The following RNFT2 variants were observed in gnomAD, a reference collection of about 807,000 sequenced individuals.
The protein encoded by RNFT2 is ring finger protein, transmembrane 2.
In RNFT2, 36 loss-of-function variants were observed where a neutral mutation model predicts 53.0. That is an observed-to-expected ratio of 0.68 (90% CI 0.52 to 0.90). RNFT2 has a LOEUF of 0.90. Among genes scored for constraint, RNFT2 ranks in the 40% least tolerant of loss-of-function variants. RNFT2 has a pLI of 0.00. For missense variants in RNFT2, 514 were observed against 585.6 expected, an observed-to-expected ratio of 0.88 and a Z score of 1.26; for synonymous variants, 260 against 253.2, an observed-to-expected ratio of 1.03 and a Z score of -0.26.
At chr12:116,818,388 C>T (rs962908378) in intron 7 of RNFT2, among the ~76,000 whole-genome samples, 1 of 151,958 alleles carries the variant, frequency 6.6e-6, no homozygotes, top group South Asian at 2.1e-4. Flanking sequence ...CCAGCTTTGC[C>T]CTTAGTAACA....
intron 7 of RNFT2, among the ~76,000 whole-genome samples, chr12:116,783,893 C>T (rs991065010): frequency 2.6e-5 from 4 of 152,196 alleles, no homozygotes; most frequent in African/African-American, 7.2e-5. Flanking sequence ...TCTTAGAGGC[C>T]GCTTAACCGT....
At chr12:116,749,192 CT>C (rs1872051576) in intron 3 of RNFT2, among the ~76,000 whole-genome samples, 1 of 151,910 alleles carries the variant, frequency 6.6e-6, no homozygotes, top group African/African-American at 2.4e-5. Context: ...TTTCTGAGGC[CT>C]CTCTCCTTGG....
chr12:116,793,387 G>C (rs1270349149), intron 7 of RNFT2, among the ~76,000 whole-genome samples: 2 of 151,926 alleles, frequency 1.3e-5, no homozygotes, highest in African/African-American at 4.8e-5. Context: ...GGGTCTCACT[G>C]TCTTGCCCCA....
intron 10 of RNFT2, among the ~76,000 whole-genome samples, chr12:116,838,511 A>C (rs1877093361): frequency 6.6e-6 from 1 of 152,242 alleles, no homozygotes; most frequent in Non-Finnish European, 1.5e-5. Context: ...GTTAGTATGC[A>C]GTATGACACA....
chr12:116,766,772 A>C, intron 5 of RNFT2, 42 bp from the exon 6 acceptor site: 2 of 1,450,198 alleles, frequency 1.4e-6, no homozygotes, highest in Non-Finnish European at 1.9e-6. Context: ...AGGTTCTGCC[A>C]CATGCACCTT....
intron 5 of RNFT2, chr12:116,755,811 G>T (rs1872483459): frequency 6.4e-7 from 1 of 1,559,112 alleles, no homozygotes; most frequent in Non-Finnish European, 8.7e-7. Flanking sequence ...ACAACTCCAT[G>T]TTTTCTAAAA....
At chr12:116,771,706 G>A (rs1422226315) in intron 6 of RNFT2, among the ~76,000 whole-genome samples, 2 of 152,018 alleles carry the variant, frequency 1.3e-5, no homozygotes, top group African/African-American at 4.8e-5. Context: ...CATGATGTGG[G>A]CACCCTCTTC....
At chr12:116,813,300 C>G (rs777913053) in intron 7 of RNFT2, among the ~76,000 whole-genome samples, 4 of 152,152 alleles carry the variant, frequency 2.6e-5, no homozygotes, top group Non-Finnish European at 5.9e-5. Flanking sequence ...GCCTCTCTTC[C>G]CAGCCCGACA....
chr12:116,758,603 T>G (rs996259876), intron 5 of RNFT2, among the ~76,000 whole-genome samples: 41 of 152,184 alleles, frequency 2.7e-4, no homozygotes, highest in African/African-American at 8.9e-4. Context: ...TACTGTATCT[T>G]TCCTTCATAT....
At chr12:116,830,589 A>G (rs966005334) in intron 7 of RNFT2, among the ~76,000 whole-genome samples, 4 of 152,194 alleles carry the variant, frequency 2.6e-5, no homozygotes, top group East Asian at 1.9e-4. Context: ...CACCTGGCCT[A>G]TTGACATTTT....
At chr12:116,825,255 C>T (rs995866047) in intron 7 of RNFT2, among the ~76,000 whole-genome samples, 1 of 152,202 alleles carries the variant, frequency 6.6e-6, no homozygotes, top group African/African-American at 2.4e-5. Flanking sequence ...TTCCCACAAA[C>T]ATGGTGGCTG....
intron 7 of RNFT2, among the ~76,000 whole-genome samples, chr12:116,811,781 C>T (rs773633254): frequency 2.0e-5 from 3 of 152,182 alleles, no homozygotes; most frequent in South Asian, 2.1e-4. Flanking sequence ...GGCAGCCCAC[C>T]GAGGCTTTGC....
chr12:116,753,602 G>A (rs1872357158), intron 4 of RNFT2, among the ~76,000 whole-genome samples: 1 of 152,180 alleles, frequency 6.6e-6, no homozygotes, highest in Admixed American at 6.5e-5. Flanking sequence ...TATAAGTAAT[G>A]TTATTGTTCT....
intron 7 of RNFT2, among the ~76,000 whole-genome samples, chr12:116,785,941 A>G (rs1324355304): frequency 6.6e-6 from 1 of 151,920 alleles, no homozygotes; most frequent in African/African-American, 2.4e-5. Flanking sequence ...AGTCCCAGCT[A>G]CTCAGGAGGT....
rs551446081 is a variant in RNFT2 at position 116,788,596 on chromosome 12, G to A, written c.882+9248G>A. On this transcript the variant is annotated intron_variant, in intron 7 of 10. Transcript: ENST00000257575. ...TCTGACTGTAATTGTTTGTTTAAAT[G>A]TCTGCCTTCTCTGCTTGATTGTAAC... 3.9e-5 allele frequency among the ~76,000 whole-genome samples: 6 copies of A among 152,224 alleles called. No individual in the cohort carries two copies. The South Asian group carries it at 1.2e-3, about 32-fold the overall frequency.
intron 7 of RNFT2, among the ~76,000 whole-genome samples, chr12:116,794,807 G>A (rs1053211017): frequency 1.3e-5 from 2 of 151,924 alleles, no homozygotes; most frequent in African/African-American, 4.8e-5. Context: ...ATTTCCCACC[G>A]CATGGAGTTC....
At chr12:116,741,117 C>T in intron 3 of RNFT2, 23 bp downstream of exon 3, 1 of 1,597,332 alleles carries the variant, frequency 6.3e-7, no homozygotes, top group Non-Finnish European at 8.5e-7. Flanking sequence ...GCTTCTGTTC[C>T]ATCTGAGGGC....
intron 10 of RNFT2, among the ~76,000 whole-genome samples, chr12:116,844,315 C>T (rs1330470501): frequency 1.3e-5 from 2 of 152,182 alleles, no homozygotes; most frequent in Admixed American, 1.3e-4. Context: ...ACTGCAACCT[C>T]CACCTCCCAG....
At chr12:116,788,512 G>C (rs1277645155) in intron 7 of RNFT2, among the ~76,000 whole-genome samples, 1 of 152,056 alleles carries the variant, frequency 6.6e-6, no homozygotes, top group African/African-American at 2.4e-5. Flanking sequence ...GGCTAGGTGT[G>C]GTGCTCCCAC....
Sources: allele counts gnomAD v4.1 joint callset (sites outside exome capture counted in the v4.1 genomes callset), GRCh38; gene constraint gnomAD v4.1.1; transcripts MANE v1.5; gene names NCBI Gene and HGNC (gene_info 2026-07-23, HGNC 2026-07-21).